The following ULK4 variants were observed in gnomAD, a reference collection of about 807,000 sequenced individuals.
ULK4 encodes the protein unc-51 like kinase 4, also known as inactive serine/threonine-protein kinase ULK4.
A neutral mutation model predicts 160.6 loss-of-function variants in ULK4; 133 were observed. The observed-to-expected ratio is 0.83, with a 90% CI of 0.72 to 0.96. ULK4 has a LOEUF of 0.96. ULK4 is among the 40% of genes least tolerant of loss of function. The pLI is 0.00. For synonymous variants in ULK4, 534 were observed against 539.8 expected (o/e 0.99, Z 0.15); for missense variants, 1,580 against 1,499.5 (o/e 1.05, Z -0.89).
Position 41,398,196 on chromosome 3 carries a change from A to G in ULK4, c.3561T>C (p.Tyr1187=), listed in dbSNP as rs1414767892. Residue 1187 remains tyrosine, a synonymous_variant, in exon 35 of 37, where the codon TAT becomes TAC. Coordinates refer to ENST00000301831, the MANE Select transcript of ULK4 (RefSeq NM_017886.4). ...AGAGGCTGTCCGGGTTTTCCCCTCCATACAGCTGAACCAGTATAGACAGGC... is the reference window on the plus strand; with the variant it reads ...AGAGGCTGTCCGGGTTTTCCCCTCCGTACAGCTGAACCAGTATAGACAGGC... ...SKCLSILVQL[Y]GGENPDSLSP... is the part of the protein sequence containing the mutation. The G allele has an allele frequency of 6.2e-6, 10 of 1,613,336 alleles. No individual in the cohort carries two copies. The highest frequency in any genetic ancestry group is 8.5e-6 in the Non-Finnish European group (10 of 1,179,684).
chr3:41,891,750 CA>C (rs1697975479), intron 16 of ULK4, among the ~76,000 whole-genome samples: 1 of 152,016 alleles, frequency 6.6e-6, no homozygotes, highest in South Asian at 2.1e-4. Flanking sequence ...TACAAAAATA[CA>C]AAAATTAGCC....
intron 16 of ULK4, among the ~76,000 whole-genome samples, chr3:41,884,739 G>A (rs189308739): frequency 2.0e-3 from 300 of 152,210 alleles, no homozygotes; most frequent in African/African-American, 6.9e-3. Context: ...CAGACTCAGA[G>A]AAGTACTACA....
chr3:41,332,012 A>G (rs921623642), intron 35 of ULK4, among the ~76,000 whole-genome samples: 8 of 152,204 alleles, frequency 5.3e-5, no homozygotes, highest in African/African-American at 1.7e-4. Flanking sequence ...TAAAATAAAT[A>G]GTTGTTAAAA....
At chr3:41,552,363 T>A (rs1028948968) in intron 32 of ULK4, among the ~76,000 whole-genome samples, 1 of 151,886 alleles carries the variant, frequency 6.6e-6, no homozygotes, top group South Asian at 2.1e-4. Context: ...TAAAAATAAC[T>A]AAACACTCCA....
intron 35 of ULK4, among the ~76,000 whole-genome samples, chr3:41,329,211 C>T (rs1000939429): frequency 3.3e-5 from 5 of 152,286 alleles, no homozygotes; most frequent in African/African-American, 9.6e-5. Context: ...GTTGCTGCAA[C>T]GTATCAATAC....
chr3:41,271,856 G>A (rs1575379733), intron 35 of ULK4, among the ~76,000 whole-genome samples: 4 of 152,232 alleles, frequency 2.6e-5, no homozygotes, highest in East Asian at 1.9e-4. Flanking sequence ...TCATGGTAGT[G>A]TAGTTACCAT....
At chr3:41,598,380 G>C (rs2031830770) in intron 31 of ULK4, among the ~76,000 whole-genome samples, 1 of 152,158 alleles carries the variant, frequency 6.6e-6, no homozygotes, top group Non-Finnish European at 1.5e-5. Flanking sequence ...TGTTTCAACA[G>C]ATACAGAGCA....
chr3:41,659,108 A>G (rs1224176973), intron 30 of ULK4, among the ~76,000 whole-genome samples: 3 of 152,158 alleles, frequency 2.0e-5, no homozygotes, highest in Non-Finnish European at 4.4e-5. Flanking sequence ...CTGTTTATTT[A>G]TTTATTTAAA....
At chr3:41,511,623 C>T (rs2085580869) in intron 32 of ULK4, among the ~76,000 whole-genome samples, 1 of 151,942 alleles carries the variant, frequency 6.6e-6, no homozygotes, top group Non-Finnish European at 1.5e-5. Context: ...GAAAAGCAAA[C>T]AGTGAGATTG....
At chr3:41,918,809 G>C (rs1252128888) in intron 6 of ULK4, among the ~76,000 whole-genome samples, 1 of 151,942 alleles carries the variant, frequency 6.6e-6, no homozygotes, top group Non-Finnish European at 1.5e-5. Flanking sequence ...CACCGTGTTA[G>C]CCAGGATGGT....
chr3:41,954,069 TC>T, intron 2 of ULK4, among the ~76,000 whole-genome samples: 1 of 150,200 alleles, frequency 6.7e-6, no homozygotes, highest in Middle Eastern at 3.4e-3. Flanking sequence ...CTACAGCTAC[TC>T]GGGAGGCTGA....
chr3:41,248,987 C>T (rs1049984975), intron 36 of ULK4, among the ~76,000 whole-genome samples: 3 of 152,278 alleles, frequency 2.0e-5, no homozygotes, highest in African/African-American at 7.2e-5. Context: ...TCTGTGTGGT[C>T]CCTCTGAACT....
intron 31 of ULK4, among the ~76,000 whole-genome samples, chr3:41,580,643 T>C (rs530698987): frequency 1.3e-5 from 2 of 152,148 alleles, no homozygotes; most frequent in African/African-American, 4.8e-5. Flanking sequence ...ACCATACGAG[T>C]GACAAGCCCT....
chr3:41,940,498 A>G (rs924257890), intron 2 of ULK4, among the ~76,000 whole-genome samples: 3 of 152,104 alleles, frequency 2.0e-5, no homozygotes, highest in African/African-American at 7.2e-5. Flanking sequence ...CTTCACTAAA[A>G]AAAAAAATTT....
At chr3:41,647,821 G>A (rs1197593675) in intron 30 of ULK4, among the ~76,000 whole-genome samples, 2 of 151,418 alleles carry the variant, frequency 1.3e-5, no homozygotes, top group African/African-American at 4.8e-5. Context: ...GAGGCAGGCA[G>A]GCCTCCTTGA....
intron 35 of ULK4, among the ~76,000 whole-genome samples, chr3:41,380,077 C>T (rs1252697780): frequency 3.9e-5 from 6 of 151,902 alleles, no homozygotes; most frequent in South Asian, 2.1e-4. Context: ...ATAAAATCAG[C>T]GCCAGTGATG....
chr3:41,879,376 G>A (rs971824025), intron 17 of ULK4, among the ~76,000 whole-genome samples: 1 of 152,082 alleles, frequency 6.6e-6, no homozygotes, highest in Non-Finnish European at 1.5e-5. Flanking sequence ...AAAGGGAGAG[G>A]GGGAATGAAA....
intron 35 of ULK4, among the ~76,000 whole-genome samples, chr3:41,359,036 G>C (rs990787994): frequency 7.9e-5 from 12 of 152,178 alleles, no homozygotes; most frequent in African/African-American, 2.7e-4. Context: ...AGAGAGGGAA[G>C]AGTTAGAGAT....
intron 31 of ULK4, among the ~76,000 whole-genome samples, chr3:41,604,221 C>T (rs575699701): frequency 6.6e-6 from 1 of 152,076 alleles, no homozygotes; most frequent in South Asian, 2.1e-4. Flanking sequence ...AAAGCATAAT[C>T]AGGAAGGGAA....
Sources: gnomAD v4.1 joint callset for allele counts (sites outside exome capture counted in the v4.1 genomes callset) on GRCh38, gnomAD v4.1.1 for gene constraint, MANE v1.5 for transcripts, NCBI Gene and HGNC (gene_info 2026-07-23, HGNC 2026-07-21) for gene names.